Variants in LAMA2 observed in about 807,000 individuals in gnomAD.
LAMA2 encodes laminin subunit alpha 2, also known as laminin subunit alpha-2.
In LAMA2, 269 loss-of-function variants were observed where a neutral mutation model predicts 364.8. The observed-to-expected ratio is 0.74, with a 90% CI of 0.67 to 0.82. The LOEUF (loss-of-function observed/expected upper bound fraction) is 0.82, where lower values mean the gene tolerates loss of function less well. Among genes scored for constraint, LAMA2 ranks in the 40% least tolerant of loss-of-function variants. The probability of loss-of-function intolerance (pLI) is 0.00; values close to 1 mark genes in which losing one functional copy is unlikely to be tolerated. For synonymous variants in LAMA2, 1,379 were observed against 1,370.6 expected, an observed-to-expected ratio of 1.01 and a Z score of -0.14; for missense variants, 3,807 against 3,873.2, an observed-to-expected ratio of 0.98 and a Z score of 0.45.
chr6:128,995,117 G>A (rs1022056399), intron 1 of LAMA2, among the ~76,000 whole-genome samples: 17 of 151,894 alleles, frequency 1.1e-4, no homozygotes, highest in African/African-American at 2.4e-4. Context: ...CTTTGAATTC[G>A]GTTTTTAAAA....
chr6:129,359,638 A>G (rs929647935), intron 32 of LAMA2, among the ~76,000 whole-genome samples: 2 of 129,556 alleles, frequency 1.5e-5, no homozygotes, highest in South Asian at 5.3e-4. Flanking sequence ...AATTTAACAT[A>G]CACACATTAA....
At chr6:129,316,500 G>A (rs796130889) in intron 27 of LAMA2, among the ~76,000 whole-genome samples, 12 of 152,296 alleles carry the variant, frequency 7.9e-5, no homozygotes, top group African/African-American at 2.9e-4. Context: ...GATTATAAAA[G>A]TGCTGAGAAA....
rs372898589 is a variant in LAMA2, at chr6:128,960,328, CT to C, written c.112+76984del. ...TTGTCTTTGGTTTATTTTGATTACT[CT>C]TTTTTTTTTTTTCCTTTTTTTTTTT... On this transcript the variant is annotated intron_variant, in intron 1 of 64. Transcript: ENST00000421865. Among the ~76,000 whole-genome samples, 648 of 133,100 alleles carry C rather than the reference CT, an allele frequency of 4.9e-3. 4 individuals are homozygous for C. Among genetic ancestry groups the C allele is most frequent in the East Asian group, 0.016 (70 of 4,394 alleles). The allele number at this position is 133,100 out of a possible 152,430, so 87.3% of individuals were successfully genotyped here. A position where few individuals can be genotyped will look rare whatever the true frequency, so the allele number is the denominator to read the frequency against.
At chr6:129,300,595 A>G in intron 21 of LAMA2, 141 bp from the exon 22 acceptor site, 1 of 797,250 alleles carries the variant, frequency 1.3e-6, no homozygotes, top group Non-Finnish European at 2.1e-6. Flanking sequence ...AGATGAATGA[A>G]GTAAGTTTTT....
intron 37 of LAMA2, among the ~76,000 whole-genome samples, chr6:129,398,472 CTTTTTTTT>C (rs71028159): frequency 6.3e-5 from 7 of 110,552 alleles, no homozygotes; most frequent in South Asian, 3.0e-4. Flanking sequence ...CTTTTCTTTT[CTTTTTTTT>C]TTTTTTTTTT....
intron 18 of LAMA2, among the ~76,000 whole-genome samples, chr6:129,282,650 G>A (rs1016770705): frequency 5.3e-5 from 8 of 151,958 alleles, no homozygotes; most frequent in African/African-American, 1.2e-4. Flanking sequence ...CTTTTTCTCC[G>A]TCCTCCTAAT....
intron 29 of LAMA2, among the ~76,000 whole-genome samples, chr6:129,332,197 T>G (rs1775696369): frequency 6.6e-6 from 1 of 152,190 alleles, no homozygotes; most frequent in Non-Finnish European, 1.5e-5. Flanking sequence ...TACTATGGTG[T>G]GGGGAGGTAA....
chr6:129,481,184 G>A (rs1292358825), intron 54 of LAMA2, 79 bp from the exon 55 acceptor site: 4 of 1,072,198 alleles, frequency 3.7e-6, no homozygotes, highest in South Asian at 1.3e-5. Context: ...TAATTGCATC[G>A]AGGAGGGTGA....
At chr6:128,987,140 G>GTTTTTTTTTTTTTTTTTTTTTTATT (rs764115716) in intron 1 of LAMA2, among the ~76,000 whole-genome samples, 1 of 121,358 alleles carries the variant, frequency 8.2e-6, no homozygotes, top group Non-Finnish European at 1.7e-5. Context: ...TTTTTTTTTT[G>GTTTTTTTTTTTTTTTTTTTTTTATT]TTTTTTTTTT....
At chr6:129,353,434 C>T (rs1217351599) in intron 32 of LAMA2, 77 bp downstream of exon 32, 13 of 1,153,386 alleles carry the variant, frequency 1.1e-5, no homozygotes, top group Non-Finnish European at 1.7e-5. Flanking sequence ...GAAAGAGTGA[C>T]TCTCCCCGCC....
At position 129,136,566 on chromosome 6, in the gene LAMA2, G is replaced by GA. The variant is rs1224865670; in HGVS notation, c.640-7323dup. 6.0e-3 allele frequency among the ~76,000 whole-genome samples: 816 copies of GA among 135,024 alleles called. 6 individuals are homozygous for GA. The highest frequency in any genetic ancestry group is 0.019 in the African/African-American group (699 of 36,672). The allele number at this position is 135,024 out of a possible 152,430, so 88.6% of individuals were successfully genotyped here. On this transcript the variant is annotated intron_variant, in intron 4 of 64. Transcript: ENST00000421865. ...AGACATGTTCTTCTTTGACCAGCAG[G>GA]AAAAAAAAAAAAGCTGCACAAACCT...
intron 12 of LAMA2, among the ~76,000 whole-genome samples, chr6:129,224,872 C>G (rs553442879): frequency 2.0e-5 from 3 of 152,304 alleles, no homozygotes; most frequent in Non-Finnish European, 2.9e-5. Context: ...AGGATTCCCT[C>G]TTTTTCTATT....
intron 35 of LAMA2, among the ~76,000 whole-genome samples, chr6:129,384,497 C>A (rs1373053360): frequency 1.3e-5 from 2 of 152,162 alleles, no homozygotes; most frequent in Admixed American, 1.3e-4. Flanking sequence ...TAAATGCTAG[C>A]ATATGTTTTA....
chr6:129,400,340 A>G (rs1184129295), intron 37 of LAMA2, among the ~76,000 whole-genome samples: 2 of 152,184 alleles, frequency 1.3e-5, no homozygotes, highest in Non-Finnish European at 2.9e-5. Context: ...TTACTTATTC[A>G]ATTTCCCACT....
At chr6:129,488,764 T>C (rs1784719766) in intron 56 of LAMA2, among the ~76,000 whole-genome samples, 1 of 152,244 alleles carries the variant, frequency 6.6e-6, no homozygotes, top group African/African-American at 2.4e-5. Flanking sequence ...CAATCTACTC[T>C]ATAAGCAAGT....
chr6:128,952,575 T>C (rs1780895292), intron 1 of LAMA2, among the ~76,000 whole-genome samples: 1 of 152,112 alleles, frequency 6.6e-6, no homozygotes, highest in Non-Finnish European at 1.5e-5. Flanking sequence ...TCATCTATAT[T>C]TAGGAGATGT....
At position 129,393,211 on chromosome 6, in the gene LAMA2, A is replaced by G. The variant is rs1484281379; in HGVS notation, c.5401A>G (p.Asn1801Asp). 1 of 1,614,108 alleles carries G rather than the reference A, an allele frequency of 6.2e-7. No homozygotes were observed. Among genetic ancestry groups the G allele is most frequent in the Non-Finnish European group, 8.5e-7 (1 of 1,179,960 alleles). The stretch of plus-strand genomic sequence containing the variant: ...AGCCACAGATAAAATCAGAGAAGCT[A>G]ATCGCCTATTTGCAGTAAATCAGAA... ...REATDKIREA[N>D]RLFAVNQKNM... The change falls in exon 37 of 65, where the codon AAT becomes GAT. Residue 1801 changes from asparagine to aspartate, a missense_variant. Asn to Asp is a conservative substitution (Grantham distance 23, BLOSUM62 1). Transcript: ENST00000421865.
rs199741761 is a variant in LAMA2 at position 129,206,069 on chromosome 6, A to AGGG, written c.1782+13216_1782+13217insGGG. Among the ~76,000 whole-genome samples the AGGG allele has an allele frequency of 2.9e-3, 335 of 117,186 alleles. 13 individuals are homozygous for AGGG. Among genetic ancestry groups the AGGG allele is most frequent in the African/African-American group, 8.9e-3 (299 of 33,534 alleles). 76.9% of individuals were successfully genotyped at this position (117,186 alleles called of 152,430 possible). A position where few individuals can be genotyped will look rare whatever the true frequency, so the allele number is the denominator to read the frequency against. ...AAAAAAAGGAAGGGAAGGGAAGGGA[A>AGGG]AGGAAAGGAAAGGAGGAAGGAAGGG... On this transcript the variant is annotated intron_variant, in intron 12 of 64. Transcript: ENST00000421865.
chr6:129,335,092 G>T (rs1775873024), intron 29 of LAMA2, among the ~76,000 whole-genome samples: 1 of 152,098 alleles, frequency 6.6e-6, no homozygotes, highest in Non-Finnish European at 1.5e-5. Flanking sequence ...AAGCTTTATA[G>T]ACTAAATATT....
Sources: allele counts gnomAD v4.1 joint callset (sites outside exome capture counted in the v4.1 genomes callset), GRCh38; gene constraint gnomAD v4.1.1; transcripts MANE v1.5; gene names NCBI Gene and HGNC (gene_info 2026-07-23, HGNC 2026-07-21).